The following XKR3 variants were observed in gnomAD, a reference collection of about 807,000 sequenced individuals.
The protein encoded by XKR3 is XK related 3.
Under a neutral mutation model 40.3 loss-of-function variants are expected in XKR3, and 27 were observed. That is an observed-to-expected ratio of 0.67 (90% CI 0.49 to 0.92). The LOEUF is 0.92. Ranked by LOEUF, XKR3 falls within the 40% of genes least tolerant of loss-of-function variation. The pLI, the probability that XKR3 is intolerant of heterozygous loss-of-function variation, is 0.00. For missense variants in XKR3, 472 were observed against 537.6 expected, an observed-to-expected ratio of 0.88 and a Z score of 1.21; for synonymous variants, 193 against 195.4, an observed-to-expected ratio of 0.99 and a Z score of 0.10.
At chr22:16,824,469 A>G (rs555464374) in intron 1 of XKR3, among the ~76,000 whole-genome samples, 3 of 152,270 alleles carry the variant, frequency 2.0e-5, no homozygotes, top group Admixed American at 6.5e-5. Context: ...ACAAAAAGAA[A>G]GAAAAGGGAA....
intron 1 of XKR3, among the ~76,000 whole-genome samples, chr22:16,811,502 A>G (rs1265864266): frequency 6.6e-6 from 1 of 152,174 alleles, no homozygotes; most frequent in African/African-American, 2.4e-5. Context: ...TAAACTAAGG[A>G]GACTAAAGCA....
chr22:16,799,840 C>G lies in XKR3; in HGVS notation c.520G>C (p.Gly174Arg), dbSNP rs1158235376. ...TGCAAAATTAATTGTGGAACAGAACCGAGAAAAGCCTGAATCACTGACATG... is the reference window on the plus strand; with the variant it reads ...TGCAAAATTAATTGTGGAACAGAACGGAGAAAAGCCTGAATCACTGACATG... ...KYMSVIQAFL[G>R]SVPQLILQMY... is the part of the protein sequence containing the mutation. The change falls in exon 3 of 4, where the codon GGT (glycine) becomes CGT (arginine). Residue 174 changes from glycine to arginine, a missense_variant. By Grantham distance (125) the Gly-to-Arg change is moderately radical. Coordinates refer to ENST00000684488, the MANE Select transcript of XKR3 (RefSeq NM_001386955.1). 6.2e-7 allele frequency: 1 copy of G among 1,614,060 alleles called. No homozygotes were observed. Among genetic ancestry groups the G allele is most frequent in the Non-Finnish European group, 8.5e-7 (1 of 1,180,000 alleles).
At chr22:16,796,442 A>T (rs1434956985) in intron 3 of XKR3, among the ~76,000 whole-genome samples, 1 of 152,220 alleles carries the variant, frequency 6.6e-6, no homozygotes. Context: ...ATGAACACAG[A>T]TGCAAAAATC....
At chr22:16,811,934 G>A (rs1346436148) in intron 1 of XKR3, among the ~76,000 whole-genome samples, 7 of 152,090 alleles carry the variant, frequency 4.6e-5, no homozygotes, top group African/African-American at 1.2e-4. Flanking sequence ...GTGTGAACCC[G>A]GGAGGCAGAG....
intron 3 of XKR3, among the ~76,000 whole-genome samples, chr22:16,790,571 A>G (rs5748630): frequency 0.81 from 123,257 of 152,010 alleles, 50,390 homozygotes; most frequent in Middle Eastern, 0.97. Context: ...AGTGGGAGGA[A>G]GGAGAACATC....
chr22:16,788,458 A>G (rs1286576694), intron 3 of XKR3, among the ~76,000 whole-genome samples: 3 of 152,166 alleles, frequency 2.0e-5, no homozygotes, highest in South Asian at 2.1e-4. Flanking sequence ...ACACCCAGAA[A>G]CAAATTAATG....
chr22:16,815,224 G>C (rs55855370), intron 1 of XKR3, among the ~76,000 whole-genome samples: 29,600 of 151,704 alleles, frequency 0.2, 3,529 homozygotes, highest in Middle Eastern at 0.3. Context: ...ATATGGTTTG[G>C]GTTCCTTAAT....
intron 3 of XKR3, among the ~76,000 whole-genome samples, chr22:16,791,813 AAGAG>A (rs147511169): frequency 2.9e-5 from 1 of 34,918 alleles, no homozygotes; most frequent in South Asian, 1.1e-3. Context: ...GAGAGAGAGA[AAGAG>A]AGAGAGAGAG....
At chr22:16,801,404 T>A (rs1182487548) in intron 2 of XKR3, among the ~76,000 whole-genome samples, 1 of 151,980 alleles carries the variant, frequency 6.6e-6, no homozygotes, top group African/African-American at 2.4e-5. Flanking sequence ...ATTAGCCTGG[T>A]GTGGTGGTGC....
intron 1 of XKR3, among the ~76,000 whole-genome samples, chr22:16,822,557 T>C (rs1466398744): frequency 6.6e-6 from 1 of 152,142 alleles, no homozygotes; most frequent in Non-Finnish European, 1.5e-5. Context: ...TCCAGTTATA[T>C]GTTGTCTCCT....
At chr22:16,797,432 G>A (rs535397440) in intron 3 of XKR3, among the ~76,000 whole-genome samples, 79 of 152,294 alleles carry the variant, frequency 5.2e-4, no homozygotes, top group African/African-American at 1.8e-3. Context: ...ATCCAGCAAA[G>A]GCTTAAGATC....
At chr22:16,821,521 G>A (rs1373147503) in intron 1 of XKR3, 1 of 148,994 alleles carries the variant, frequency 6.7e-6, no homozygotes, top group Non-Finnish European at 1.5e-5. Flanking sequence ...TACAACTGAT[G>A]AGAATTTTTT....
At chr22:16,812,784 G>A (rs1188917315) in intron 1 of XKR3, among the ~76,000 whole-genome samples, 1 of 152,128 alleles carries the variant, frequency 6.6e-6, no homozygotes, top group African/African-American at 2.4e-5. Context: ...TCACCTTAAT[G>A]AGAAACTCTG....
At chr22:16,818,692 G>A (rs559117834) in intron 1 of XKR3, among the ~76,000 whole-genome samples, 1 of 152,224 alleles carries the variant, frequency 6.6e-6, no homozygotes, top group African/African-American at 2.4e-5. Flanking sequence ...AGAGGAGGCA[G>A]CTAATCTTCT....
chr22:16,817,494 A>G (rs1222780421), intron 1 of XKR3, among the ~76,000 whole-genome samples: 1 of 152,140 alleles, frequency 6.6e-6, no homozygotes, highest in Non-Finnish European at 1.5e-5. Context: ...ATTCTGTGTT[A>G]GATCCTAGTA....
At chr22:16,795,030 ACTC>A (rs1211654683) in intron 3 of XKR3, among the ~76,000 whole-genome samples, 9 of 152,224 alleles carry the variant, frequency 5.9e-5, no homozygotes, top group Non-Finnish European at 2.9e-5. Context: ...CTGGACTTAA[ACTC>A]AACACTTGAC....
intron 3 of XKR3, among the ~76,000 whole-genome samples, chr22:16,796,901 C>T (rs372429940): frequency 7.5e-4 from 114 of 152,308 alleles, no homozygotes; most frequent in African/African-American, 2.6e-3. Context: ...AGTGATGTTA[C>T]ACTACCTGAC....
chr22:16,783,731 T>C lies in XKR3; in HGVS notation c.1268A>G (p.Tyr423Cys), dbSNP rs1366722281. The change falls in exon 4 of 4, where the codon TAT becomes TGT. Residue 423 changes from tyrosine (Y) to cysteine (C), a missense_variant. Physicochemically the swap from Tyr to Cys is radical, Grantham distance 194 (BLOSUM62 -2). Coordinates refer to ENST00000684488, the MANE Select transcript of XKR3 (RefSeq NM_001386955.1). ...TENQPEAPYY[Y>C]VNIEKTEKNK... The stretch of plus-strand genomic sequence containing the variant: ...CTTTTCAGTTTTCTCGATGTTTACA[T>C]AATAGTACGGTGCTTCTGGCTGATT... 2 of 1,614,104 alleles carry C rather than the reference T, an allele frequency of 1.2e-6. No individual in the cohort carries two copies. Among genetic ancestry groups the C allele is most frequent in the Non-Finnish European group, 1.7e-6 (2 of 1,180,040 alleles).
chr22:16,787,816 C>T (rs1358337765), intron 3 of XKR3, among the ~76,000 whole-genome samples: 2 of 151,504 alleles, frequency 1.3e-5, no homozygotes, highest in African/African-American at 4.9e-5. Flanking sequence ...CAGGAATATA[C>T]ATATATATTT....
Sources: gnomAD v4.1 joint callset for allele counts (sites outside exome capture counted in the v4.1 genomes callset) on GRCh38, gnomAD v4.1.1 for gene constraint, MANE v1.5 for transcripts, NCBI Gene and HGNC (gene_info 2026-07-23, HGNC 2026-07-21) for gene names.